EIF5: variants seen among roughly 807,000 people sequenced by gnomAD.
EIF5 encodes the protein eukaryotic translation initiation factor 5.
In EIF5, 10 loss-of-function variants were observed where a neutral mutation model predicts 48.3. The ratio of observed to expected loss-of-function variants is 0.21; its 90% CI spans 0.13 to 0.35. The LOEUF (loss-of-function observed/expected upper bound fraction) is 0.35, where lower values mean the gene tolerates loss of function less well. Among genes scored for constraint, EIF5 ranks in the 10% least tolerant of loss-of-function variants. The pLI is 1.00. For missense variants in EIF5, 397 were observed against 533.2 expected (o/e 0.74, Z 2.51); for synonymous variants, 237 against 173.1 (o/e 1.37, Z -2.90).
chr14:103,334,761 C>CG (rs1322549728), intron 2 of EIF5, 164 bp downstream of exon 2: 4 of 148,548 alleles, frequency 2.7e-5, no homozygotes, highest in Non-Finnish European at 6.0e-5. Context: ...CCCGGCCTCG[C>CG]CCCCTCCCCG....
chr14:103,336,415 T>G, intron 4 of EIF5: 1 of 554,024 alleles, frequency 1.8e-6, no homozygotes, highest in Non-Finnish European at 3.2e-6. Context: ...ATCCTGAGTC[T>G]ACTACTAATA....
chr14:103,340,441 T>G lies in EIF5; in HGVS notation c.1086T>G (p.Tyr362Ter). 2 of 1,602,002 alleles carry G rather than the reference T, an allele frequency of 1.2e-6. No individual in the cohort carries two copies. The highest frequency in any genetic ancestry group is 1.7e-6 in the Non-Finnish European group (2 of 1,169,724). ...ACATTTTTTAGGCCTCTAAGAAATA[T>G]GTCTCCAAAGAACTTGCCAAAGAGA... ...ISWSEKASKK[Y>*]VSKELAKEIR... is the part of the protein sequence containing the mutation. The change falls in exon 11 of 12, where the codon TAT becomes TAG. Residue 362 changes from tyrosine to a stop codon, truncating the protein, a stop_gained. Transcript: ENST00000216554. LOFTEE classifies it high-confidence loss of function.
chr14:103,339,959 A>G (rs1230776368), intron 10 of EIF5, among the ~76,000 whole-genome samples, 156 bp downstream of exon 10: 2 of 152,154 alleles, frequency 1.3e-5, no homozygotes, highest in African/African-American at 2.4e-5. Flanking sequence ...CCCGGCTTCA[A>G]GTGATTCTCC....
At position 103,339,668 on chromosome 14, in the gene EIF5, G is replaced by T; in HGVS notation, c.936G>T (p.Arg312=). 1 of 1,614,154 alleles carries T rather than the reference G, an allele frequency of 6.2e-7. No individual in the cohort carries two copies. Among genetic ancestry groups the T allele is most frequent in the Non-Finnish European group, 8.5e-7 (1 of 1,180,036 alleles). The change falls in exon 10 of 12, where the codon CGG becomes CGT. Residue 312 remains arginine, a synonymous_variant. Transcript: ENST00000216554. Reference sequence around the variant, plus strand: ...GTCACAACAACAAAAAAGCCCAACGGTACCTTCTTCATGGTTTGGAGTGTG... The same window carrying T: ...GTCACAACAACAAAAAAGCCCAACGTTACCTTCTTCATGGTTTGGAGTGTG... ...RFCHNNKKAQ[R]YLLHGLECVV... is the part of the protein sequence containing the mutation.
chr14:103,344,469 A>T lies in EIF5; in HGVS notation c.*3417A>T, dbSNP rs965835931. On this transcript the variant is annotated 3_prime_UTR_variant, in exon 12 of 12. Coordinates refer to ENST00000216554, the MANE Select transcript of EIF5 (RefSeq NM_001969.5). ...ATGCAGTCAATTATTTCTTTTTAAG[A>T]GGAGGAGGATTCACTTGGGTGTTGG... 1.3e-5 allele frequency: 2 copies of T among 152,202 alleles called. No individual in the cohort carries two copies. The highest frequency in any genetic ancestry group is 4.8e-5 in the African/African-American group (2 of 41,436). The allele number at this position is 152,202 out of a possible 1,614,324, so 9.4% of individuals were successfully genotyped here.
chr14:103,344,576 A>G lies in EIF5; in HGVS notation c.*3524A>G, dbSNP rs10289. ...ATATCTGCTGGGGGTGGAGACCCTT[A>G]TGTGCAGCACTCAATCCCACTGGAA... On this transcript the variant is annotated 3_prime_UTR_variant, in exon 12 of 12. Coordinates refer to ENST00000216554, the MANE Select transcript of EIF5 (RefSeq NM_001969.5). 0.54 allele frequency: 82,829 copies of G among 152,098 alleles called. 23,527 individuals carry two copies. Among genetic ancestry groups the G allele is most frequent in the East Asian group, 0.69 (3,581 of 5,172 alleles). 9.4% of individuals were successfully genotyped at this position (152,098 alleles called of 1,614,324 possible).
chr14:103,334,270 G>C lies in EIF5; in HGVS notation c.-418+10G>C, dbSNP rs2089254192. ...CGAGAACATTCCAGAGGTGAGTCCGGTGAAGGGGCGGCCCCCTGCCCGGTG... is the reference window on the plus strand; with the variant it reads ...CGAGAACATTCCAGAGGTGAGTCCGCTGAAGGGGCGGCCCCCTGCCCGGTG... On this transcript the variant is annotated intron_variant, in intron 1 of 11. Transcript: ENST00000216554. 1 of 152,318 alleles carries C rather than the reference G, an allele frequency of 6.6e-6. No homozygotes were observed. Among genetic ancestry groups the C allele is most frequent in the Admixed American group, 6.5e-5 (1 of 15,282 alleles). The allele number at this position is 152,318 out of a possible 1,614,324, so 9.4% of individuals were successfully genotyped here.
chr14:103,336,453 C>A, intron 4 of EIF5: 2 of 562,740 alleles, frequency 3.6e-6, no homozygotes, highest in Non-Finnish European at 6.2e-6. Flanking sequence ...TGGTGGCATG[C>A]GCTTGTAGTC....
At position 103,341,585 on chromosome 14, in the gene EIF5, A is replaced by C. The variant is rs1227493906; in HGVS notation, c.*533A>C. Reference sequence around the variant, plus strand: ...TATCTCTGTAGTTCCTCAAATTGGCATCTGGTAATGTACATTGTGAGGTAG... The same window carrying C: ...TATCTCTGTAGTTCCTCAAATTGGCCTCTGGTAATGTACATTGTGAGGTAG... On this transcript the variant is annotated 3_prime_UTR_variant, in exon 12 of 12. Coordinates refer to ENST00000216554, the MANE Select transcript of EIF5 (RefSeq NM_001969.5). 6.5e-6 allele frequency: 1 copy of C among 154,542 alleles called. No individual in the cohort carries two copies. The highest frequency in any genetic ancestry group is 1.9e-4 in the East Asian group (1 of 5,300). The allele number at this position is 154,542 out of a possible 1,614,324, so 9.6% of individuals were successfully genotyped here.
In EIF5 at chr14:103,339,159, C is replaced by G. The variant is rs1461151062; in HGVS notation, c.745-13C>G. ...GCCTCCATTGCACTGAATTGTTTTC[C>G]TTTTCTTTGCAGAAAAAGAAAGAAG... On this transcript the variant is annotated splice_polypyrimidine_tract_variant and intron_variant, in intron 8 of 11. Coordinates refer to ENST00000216554, the MANE Select transcript of EIF5 (RefSeq NM_001969.5). 1 of 1,600,158 alleles carries G rather than the reference C, an allele frequency of 6.2e-7. No individual in the cohort carries two copies. Among genetic ancestry groups the G allele is most frequent in the Admixed American group, 1.8e-5 (1 of 55,968 alleles).
chr14:103,338,597 A>G, intron 7 of EIF5, 125 bp downstream of exon 7: 3 of 1,495,900 alleles, frequency 2.0e-6, no homozygotes, highest in Admixed American at 2.5e-5. Flanking sequence ...GTGGATTCCA[A>G]GTACTGTTTG....
In EIF5 at chr14:103,344,174, G is replaced by A. The variant is rs576871371; in HGVS notation, c.*3122G>A. The A allele has an allele frequency of 1.3e-5, 2 of 152,344 alleles. No individual in the cohort carries two copies. The highest frequency in any genetic ancestry group is 2.1e-4 in the South Asian group (1 of 4,826). The allele number at this position is 152,344 out of a possible 1,614,324, so 9.4% of individuals were successfully genotyped here. A position where few individuals can be genotyped will look rare whatever the true frequency, so the allele number is the denominator to read the frequency against. ...CAAATGACTTGCAGGTAGTCTCATTGTAGGTTTGTGCACCAGAGTGACCCT... is the reference window on the plus strand; with the variant it reads ...CAAATGACTTGCAGGTAGTCTCATTATAGGTTTGTGCACCAGAGTGACCCT... On this transcript the variant is annotated 3_prime_UTR_variant, in exon 12 of 12. Transcript: ENST00000216554.
Position 103,343,249 on chromosome 14 carries a change from T to C in EIF5, c.*2197T>C, listed in dbSNP as rs553333253. ...TCAAAGCATTGGAATCTGCCCTGTT[T>C]TGTAGCCGTTGCTTTGGATTTGTGT... On this transcript the variant is annotated 3_prime_UTR_variant, in exon 12 of 12. Transcript: ENST00000216554. 2.0e-5 allele frequency: 3 copies of C among 152,446 alleles called. No homozygotes were observed. Among genetic ancestry groups the C allele is most frequent in the Admixed American group, 6.5e-5 (1 of 15,296 alleles). The allele number at this position is 152,446 out of a possible 1,614,324, so 9.4% of individuals were successfully genotyped here.
chr14:103,334,810 C>T (rs1428858410), intron 2 of EIF5: 1 of 151,196 alleles, frequency 6.6e-6, no homozygotes, highest in African/African-American at 2.4e-5. Flanking sequence ...GCCGCTCGGG[C>T]TGACTCAGGC....
rs2089350080 is a variant in EIF5, at chr14:103,341,303, C to T, written c.*251C>T. 2.0e-5 allele frequency: 8 copies of T among 401,586 alleles called. No homozygotes were observed. In the South Asian group the frequency reaches 2.6e-4, roughly 13 times the overall value. 24.9% of individuals were successfully genotyped at this position (401,586 alleles called of 1,614,324 possible). On this transcript the variant is annotated 3_prime_UTR_variant, in exon 12 of 12. Transcript: ENST00000216554. ...CTTTTTGAAAAACTAGTGGTGGACACATTTGGATCACATTTATACAGTTAT... is the reference window on the plus strand; with the variant it reads ...CTTTTTGAAAAACTAGTGGTGGACATATTTGGATCACATTTATACAGTTAT...
chr14:103,339,711 G>A lies in EIF5; in HGVS notation c.979G>A (p.Ala327Thr). The A allele has an allele frequency of 1.2e-6, 2 of 1,614,204 alleles. No individual in the cohort carries two copies. The highest frequency in any genetic ancestry group is 1.7e-6 in the Non-Finnish European group (2 of 1,180,036). The change falls in exon 10 of 12, where the codon GCT becomes ACT. Residue 327 changes from alanine to threonine, a missense_variant. Physicochemically the swap from Ala to Thr is moderately conservative, Grantham distance 58 (BLOSUM62 0). Transcript: ENST00000216554. ...GGAGTGTGTGGTAGCAATGCATCAA[G>A]CTCAGCTTATCTCCAAGATTCCACA... ...GLECVVAMHQ[A>T]QLISKIPHIL...
chr14:103,338,198 TTGTG>T, intron 6 of EIF5, 125 bp from the exon 7 acceptor site: 1 of 1,260,414 alleles, frequency 7.9e-7, no homozygotes. Flanking sequence ...TTAGGTAGCA[TTGTG>T]TGTGCTGTGT....
Position 103,344,833 on chromosome 14 carries a change from A to G in EIF5, c.*3781A>G, listed in dbSNP as rs1467503145. 2 of 152,244 alleles carry G rather than the reference A, an allele frequency of 1.3e-5. No homozygotes were observed. The highest frequency in any genetic ancestry group is 6.5e-5 in the Admixed American group (1 of 15,282). The allele number at this position is 152,244 out of a possible 1,614,324, so 9.4% of individuals were successfully genotyped here. ...TGAAAGTAAATGGAATAAATGTATC[A>G]GGTAAAGGACAAGTTGTAAGCTTGG... is the stretch of plus-strand genomic sequence containing the variant. On this transcript the variant is annotated 3_prime_UTR_variant, in exon 12 of 12. Transcript: ENST00000216554.
Position 103,341,148 on chromosome 14 carries a change from C to T in EIF5, c.*96C>T, listed in dbSNP as rs2140363245. ...CATGTATGTGCAAAAGCTAAAATGGCTTAACATCATGCTACACTTTACACT... is the reference window on the plus strand; with the variant it reads ...CATGTATGTGCAAAAGCTAAAATGGTTTAACATCATGCTACACTTTACACT... On this transcript the variant is annotated 3_prime_UTR_variant, in exon 12 of 12. Coordinates refer to ENST00000216554, the MANE Select transcript of EIF5 (RefSeq NM_001969.5). 1 of 1,094,878 alleles carries T rather than the reference C, an allele frequency of 9.1e-7. No homozygotes were observed. The highest frequency in any genetic ancestry group is 1.3e-5 in the South Asian group (1 of 78,018). The allele number at this position is 1,094,878 out of a possible 1,614,324, so 67.8% of individuals were successfully genotyped here. A position where few individuals can be genotyped will look rare whatever the true frequency, so the allele number is the denominator to read the frequency against.
Sources: allele counts gnomAD v4.1 joint callset (sites outside exome capture counted in the v4.1 genomes callset), GRCh38; gene constraint gnomAD v4.1.1; transcripts MANE v1.5; gene names NCBI Gene and HGNC (gene_info 2026-07-23, HGNC 2026-07-21).